Variants in SURF4 observed in about 807,000 individuals in gnomAD.
SURF4 encodes surfeit 4, also known as surfeit locus protein 4.
Under a neutral mutation model 30.0 loss-of-function variants are expected in SURF4, and 3 were observed. The ratio of observed to expected loss-of-function variants is 0.10; its 90% CI spans 0.05 to 0.26. SURF4 has a LOEUF of 0.26. SURF4 is among the 10% of genes least tolerant of loss of function. The pLI, the probability that SURF4 is intolerant of heterozygous loss-of-function variation, is 1.00. For missense variants in SURF4, 217 were observed against 350.8 expected (o/e 0.62, Z 3.05); for synonymous variants, 143 against 139.9 (o/e 1.02, Z -0.16).
At chr9:133,374,129 G>A (rs1032497478) in intron 1 of SURF4, among the ~76,000 whole-genome samples, 1 of 152,138 alleles carries the variant, frequency 6.6e-6, no homozygotes, top group Non-Finnish European at 1.5e-5. Context: ...GCTATGAGGA[G>A]CCATCTTCTT....
intron 1 of SURF4, chr9:133,372,561 A>C (rs1837567594): frequency 1.0e-6 from 1 of 981,742 alleles, no homozygotes. Flanking sequence ...ACTGGAAGAC[A>C]CTGGGCCTGG....
chr9:133,372,719 C>T (rs1311840462), intron 1 of SURF4: 4 of 829,998 alleles, frequency 4.8e-6, no homozygotes, highest in African/African-American at 1.8e-5. Context: ...AATCCTCTAT[C>T]GGCTTCAAAT....
At chr9:133,367,780 T>C (rs1324122263) in intron 1 of SURF4, among the ~76,000 whole-genome samples, 1 of 152,232 alleles carries the variant, frequency 6.6e-6, no homozygotes, top group African/African-American at 2.4e-5. Flanking sequence ...ACTACAGTCT[T>C]CCAAGGTGGC....
At chr9:133,371,489 T>A (rs1333720344) in intron 1 of SURF4, among the ~76,000 whole-genome samples, 1 of 152,212 alleles carries the variant, frequency 6.6e-6, no homozygotes, top group African/African-American at 2.4e-5. Flanking sequence ...AAAAACTGTG[T>A]GATCAAAATC....
chr9:133,374,478 T>C (rs1837733556), intron 1 of SURF4, among the ~76,000 whole-genome samples: 1 of 152,048 alleles, frequency 6.6e-6, no homozygotes, highest in African/African-American at 2.4e-5. Context: ...GGAGAATCGC[T>C]TGAACCCAGG....
At position 133,363,650 on chromosome 9, in the gene SURF4, T is replaced by C. The variant is rs2130089785; in HGVS notation, c.653A>G (p.Tyr218Cys). 2 of 1,614,200 alleles carry C rather than the reference T, an allele frequency of 1.2e-6. No individual in the cohort carries two copies. The highest frequency in any genetic ancestry group is 1.7e-6 in the Non-Finnish European group (2 of 1,180,034). Residue 218 changes from tyrosine to cysteine, a missense_variant, in exon 6 of 6, where the codon TAT becomes TGT. Coordinates refer to ENST00000371989, the MANE Select transcript of SURF4 (RefSeq NM_033161.4). The surrounding 1 kb of genome is among the most constrained non-coding windows in gnomAD (Gnocchi z 4.3). The part of the protein sequence containing the change: ...LVVWLFAINV[Y>C]FNAFWTIPVY... ...TGGAATGGTCCAGAAGGCGTTGAAA[T>C]ATACGTTGATGGCAAAGAGCCACAC...
At chr9:133,375,452 C>G in intron 1 of SURF4, 1 of 983,982 alleles carries the variant, frequency 1.0e-6, no homozygotes, top group South Asian at 4.7e-5. Context: ...CCAGCGCGCC[C>G]CCTTTCCTCT....
chr9:133,376,066 G>GCGGCCGGCCTCGCTCCGCGT (rs1837912653), upstream of SURF4: 1 of 1,207,140 alleles, frequency 8.3e-7, no homozygotes, highest in Admixed American at 4.4e-5. Context: ...GAAGTGCCCG[G>GCGGCCGGCCTCGCTCCGCGT]CGGCCGGCCT....
rs2130137470 is a variant in SURF4, at chr9:133,367,231, A to G, written c.235+28T>C. ...CGATCATGGAACAAGACGCCCAGTG[A>G]ATCCTGACCACCCGCAGAGCCACTC... On this transcript the variant is annotated intron_variant, in intron 2 of 5. Coordinates refer to ENST00000371989, the MANE Select transcript of SURF4 (RefSeq NM_033161.4). 3.2e-5 allele frequency: 52 copies of G among 1,609,072 alleles called. No homozygotes were observed. In the South Asian group the frequency reaches 5.6e-4, roughly 17 times the overall value.
intron 1 of SURF4, among the ~76,000 whole-genome samples, chr9:133,370,340 A>G (rs962725277): frequency 1.3e-5 from 2 of 151,952 alleles, no homozygotes; most frequent in African/African-American, 4.8e-5. Context: ...AAAAATATGC[A>G]AAAATCTAGG....
chr9:133,373,933 A>AAAAAAAAAAAAAAAAAAAAAAG (rs1554773647), intron 1 of SURF4, among the ~76,000 whole-genome samples: 1 of 149,138 alleles, frequency 6.7e-6, no homozygotes, highest in Non-Finnish European at 1.5e-5. Flanking sequence ...AAAAAAAAAA[A>AAAAAAAAAAAAAAAAAAAAAAG]AAGAAGAAGA....
chr9:133,372,607 C>T, intron 1 of SURF4: 1 of 985,454 alleles, frequency 1.0e-6, no homozygotes, highest in South Asian at 4.7e-5. Context: ...TTTCAGCAGC[C>T]CACACTTTCT....
Position 133,363,200 on chromosome 9 carries a change from A to AC in SURF4, c.*292dup, listed in dbSNP as rs1836931006. ...CCCCACAAAAAAACTCAAAAATAGGACTGAGATGCCACAGCCAAGCGGGCT... is the reference window on the plus strand; with the variant it reads ...CCCCACAAAAAAACTCAAAAATAGGACCTGAGATGCCACAGCCAAGCGGGCT... On this transcript the variant is annotated 3_prime_UTR_variant, in exon 6 of 6. Coordinates refer to ENST00000371989, the MANE Select transcript of SURF4 (RefSeq NM_033161.4). This position sits in a 1 kb window ranked among gnomAD's most constrained non-coding sequence, Gnocchi z 4.3. 1.6e-6 allele frequency: 1 copy of AC among 608,828 alleles called. No homozygotes were observed. Among genetic ancestry groups the AC allele is most frequent in the Non-Finnish European group, 2.9e-6 (1 of 340,710 alleles). The allele number at this position is 608,828 out of a possible 1,614,324, so 37.7% of individuals were successfully genotyped here.
At position 133,375,891 on chromosome 9, in the gene SURF4, C is replaced by A. The variant is rs2130242708; in HGVS notation, c.48+31G>T. 2.4e-3 allele frequency: 2,962 copies of A among 1,220,966 alleles called. 9 individuals are homozygous for A. The highest frequency in any genetic ancestry group is 2.8e-3 in the Non-Finnish European group (2,789 of 978,926). 75.6% of individuals were successfully genotyped at this position (1,220,966 alleles called of 1,614,324 possible). A position where few individuals can be genotyped will look rare whatever the true frequency, so the allele number is the denominator to read the frequency against. ...CGGCCCGGGCGGCCTGGGTCGGGACCGGGGCCGGGGGAGGAGCCCGCAGGC... is the reference window on the plus strand; with the variant it reads ...CGGCCCGGGCGGCCTGGGTCGGGACAGGGGCCGGGGGAGGAGCCCGCAGGC... On this transcript the variant is annotated intron_variant, in intron 1 of 5. Transcript: ENST00000371989.
At chr9:133,370,796 C>A (rs2130182421) in intron 1 of SURF4, 147,437 of 1,097,098 alleles carry the variant, frequency 0.13, 11,081 homozygotes, top group Middle Eastern at 0.17. Context: ...CCCCTCCCCC[C>A]CATTAGAGAA....
At chr9:133,376,674 T>G, upstream of SURF4, 2 of 907,836 alleles carry the variant, frequency 2.2e-6, no homozygotes, top group Non-Finnish European at 1.6e-6. Context: ...CCCTGGCCAG[T>G]GTCGGCCTGC....
chr9:133,373,909 CAA>C (rs71824689), intron 1 of SURF4, among the ~76,000 whole-genome samples: 160 of 47,540 alleles, frequency 3.4e-3, no homozygotes, highest in Non-Finnish European at 5.1e-3. Context: ...AATTCTGTCT[CAA>C]AAAAAAAAAA....
chr9:133,369,845 G>A (rs915332173), intron 1 of SURF4, among the ~76,000 whole-genome samples: 2 of 152,222 alleles, frequency 1.3e-5, no homozygotes, highest in African/African-American at 4.8e-5. Flanking sequence ...ATCTGAACCT[G>A]GGGAAAAGCA....
rs2130066465 is a variant in SURF4 at position 133,361,824 on chromosome 9, T to C, written c.*1669A>G. The C allele has an allele frequency of 2.0e-5, 3 of 152,284 alleles. No homozygotes were observed. The highest frequency in any genetic ancestry group is 7.2e-5 in the African/African-American group (3 of 41,402). 9.4% of individuals were successfully genotyped at this position (152,284 alleles called of 1,614,324 possible). The stretch of plus-strand genomic sequence containing the variant: ...ACCTTGACCACAGAGAAACCGTGAC[T>C]TGGCCAAGGTCATTTGATGGGGGCT... On this transcript the variant is annotated 3_prime_UTR_variant, in exon 6 of 6. Transcript: ENST00000371989.
Sources: allele counts gnomAD v4.1 joint callset (sites outside exome capture counted in the v4.1 genomes callset), GRCh38; gene constraint gnomAD v4.1.1; non-coding constraint Gnocchi (gnomAD v3.1); transcripts MANE v1.5; gene names NCBI Gene and HGNC (gene_info 2026-07-23, HGNC 2026-07-21).